SUPT20H: variants seen among roughly 807,000 people sequenced by gnomAD.
SUPT20H encodes SPT20 homolog, SAGA complex component.
Under a neutral mutation model 122.8 loss-of-function variants are expected in SUPT20H, and 82 were observed. The observed-to-expected ratio is 0.67, with a 90% confidence interval of 0.56 to 0.80. The LOEUF is 0.80. Ranked by LOEUF, SUPT20H falls within the 30% of genes least tolerant of loss-of-function variation. SUPT20H has a pLI of 0.00. For missense variants in SUPT20H, 831 were observed against 921.6 expected, an observed-to-expected ratio of 0.90 and a Z score of 1.27; for synonymous variants, 291 against 313.0, an observed-to-expected ratio of 0.93 and a Z score of 0.74.
chr13:37,012,470 T>C (rs372247167), intron 23 of SUPT20H, 173 bp from the exon 24 acceptor site: 20 of 489,034 alleles, frequency 4.1e-5, no homozygotes, highest in East Asian at 2.8e-4. Flanking sequence ...AATAAATTTA[T>C]GGTATTTGAA....
chr13:37,009,428 T>C lies in SUPT20H; in HGVS notation c.*244A>G. ...ATGTTTCTATTATTTCTTAGGTCACTTCCATATATATTATGTATAGTGAAA... is the reference window on the plus strand; with the variant it reads ...ATGTTTCTATTATTTCTTAGGTCACCTCCATATATATTATGTATAGTGAAA... On this transcript the variant is annotated 3_prime_UTR_variant, in exon 26 of 26. Coordinates refer to ENST00000350612, the MANE Select transcript of SUPT20H (RefSeq NM_001014286.3). The C allele has an allele frequency of 1.3e-6, 1 of 741,782 alleles. No homozygotes were observed. Among genetic ancestry groups the C allele is most frequent in the South Asian group, 1.9e-5 (1 of 53,010 alleles). 46.0% of individuals were successfully genotyped at this position (741,782 alleles called of 1,614,324 possible).
chr13:37,050,809 A>G (rs1302770391), intron 2 of SUPT20H, among the ~76,000 whole-genome samples: 1 of 152,202 alleles, frequency 6.6e-6, no homozygotes, highest in African/African-American at 2.4e-5. Context: ...GGAGGAGTAG[A>G]TAGGCAAGAA....
At chr13:37,021,903 C>G in intron 20 of SUPT20H, 108 bp downstream of exon 20, 4 of 1,304,300 alleles carry the variant, frequency 3.1e-6, no homozygotes, top group Non-Finnish European at 4.2e-6. Context: ...TATTCCTTTT[C>G]AGTCTGAGTA....
At position 37,031,758 on chromosome 13, in the gene SUPT20H, T is replaced by C; in HGVS notation, c.845A>G (p.Lys282Arg). Residue 282 changes from lysine (K) to arginine (R), a missense_variant, in exon 11 of 26, where the codon AAA (lysine) becomes AGA (arginine). Lys to Arg is a conservative substitution (Grantham distance 26). Coordinates refer to ENST00000350612, the MANE Select transcript of SUPT20H (RefSeq NM_001014286.3). ...ERKAGQHYDL[K>R]ISKAGNCVDM... Reference sequence around the variant, plus strand: ...ACTTACATTTCCTGCCTTAGAAATTTTGAGGTCATAATGCTGACCTGCTTT... The same window carrying C: ...ACTTACATTTCCTGCCTTAGAAATTCTGAGGTCATAATGCTGACCTGCTTT... 2.5e-6 allele frequency: 4 copies of C among 1,593,800 alleles called. No individual in the cohort carries two copies. The highest frequency in any genetic ancestry group is 3.4e-6 in the Non-Finnish European group (4 of 1,174,266).
chr13:37,053,967 C>T (rs1347156421), intron 1 of SUPT20H, among the ~76,000 whole-genome samples: 1 of 152,102 alleles, frequency 6.6e-6, no homozygotes, highest in Non-Finnish European at 1.5e-5. Context: ...ATACAAACTA[C>T]CATCAGAGAA....
Position 37,009,339 on chromosome 13 carries a change from ATT to A in SUPT20H, c.*331_*332del. On this transcript the variant is annotated 3_prime_UTR_variant, in exon 26 of 26. Coordinates refer to ENST00000350612, the MANE Select transcript of SUPT20H (RefSeq NM_001014286.3). Reference sequence around the variant, plus strand: ...TTCAAAACAGATTTGTAAAAATTGTATTTGTTAACACTGTGCACAAACGTTTT... The same window carrying A: ...TTCAAAACAGATTTGTAAAAATTGTATGTTAACACTGTGCACAAACGTTTT... The A allele has an allele frequency of 8.6e-7, 1 of 1,158,376 alleles. No individual in the cohort carries two copies. Among genetic ancestry groups the A allele is most frequent in the Middle Eastern group, 2.5e-4 (1 of 3,924 alleles). 71.8% of individuals were successfully genotyped at this position (1,158,376 alleles called of 1,614,324 possible).
chr13:37,040,242 G>T, intron 9 of SUPT20H, 163 bp downstream of exon 9: 1 of 626,544 alleles, frequency 1.6e-6, no homozygotes, highest in South Asian at 2.6e-5. Flanking sequence ...CACATATAAA[G>T]AGACCCTTAA....
At chr13:37,025,047 T>C (rs1176449500) in intron 17 of SUPT20H, 3 of 350,072 alleles carry the variant, frequency 8.6e-6, no homozygotes, top group Non-Finnish European at 1.6e-5. Context: ...GTTCAAGAGA[T>C]TCTCCTGTCT....
At chr13:37,053,702 A>G (rs1234677270) in intron 1 of SUPT20H, among the ~76,000 whole-genome samples, 1 of 152,130 alleles carries the variant, frequency 6.6e-6, no homozygotes, top group Non-Finnish European at 1.5e-5. Flanking sequence ...AAAAAAAAAA[A>G]AGATACATTA....
chr13:37,051,155 G>A (rs1017260135), intron 2 of SUPT20H, among the ~76,000 whole-genome samples: 9 of 152,088 alleles, frequency 5.9e-5, no homozygotes, highest in South Asian at 4.1e-4. Context: ...TTTAAAATAC[G>A]AGAAATCTAT....
At chr13:37,050,511 T>C (rs761493820) in intron 2 of SUPT20H, among the ~76,000 whole-genome samples, 2 of 152,174 alleles carry the variant, frequency 1.3e-5, no homozygotes, top group African/African-American at 2.4e-5. Flanking sequence ...AAGGTTCTTT[T>C]AAATTTTGCC....
At chr13:37,046,391 G>A (rs996243896) in intron 5 of SUPT20H, among the ~76,000 whole-genome samples, 7 of 152,148 alleles carry the variant, frequency 4.6e-5, no homozygotes, top group African/African-American at 1.7e-4. Context: ...CTACCACAGA[G>A]TTGATCCCAT....
chr13:37,026,813 C>T lies in SUPT20H; in HGVS notation c.1155G>A (p.Ser385=), dbSNP rs774135192. The change falls in exon 15 of 26, where the codon TCG becomes TCA. Residue 385 remains serine, a synonymous_variant. Coordinates refer to ENST00000350612, the MANE Select transcript of SUPT20H (RefSeq NM_001014286.3). ...ACCAATTTGAATGATCATCTGTGGACGAGCTGAAATATAAAATGTAAAAAA... is the reference window on the plus strand; with the variant it reads ...ACCAATTTGAATGATCATCTGTGGATGAGCTGAAATATAAAATGTAAAAAA... ...ESDSQMSPSH[S]STDDHSNWFI... 19 of 1,428,992 alleles carry T rather than the reference C, an allele frequency of 1.3e-5. No homozygotes were observed. Among genetic ancestry groups the T allele is most frequent in the South Asian group, 3.0e-5 (2 of 67,688 alleles). 88.5% of individuals were successfully genotyped at this position (1,428,992 alleles called of 1,614,324 possible). A position where few individuals can be genotyped will look rare whatever the true frequency, so the allele number is the denominator to read the frequency against.
intron 3 of SUPT20H, among the ~76,000 whole-genome samples, 187 bp from the exon 4 acceptor site, chr13:37,048,123 C>T (rs991757002): frequency 1.3e-5 from 2 of 152,102 alleles, no homozygotes; most frequent in African/African-American, 4.8e-5. Flanking sequence ...TGAACTGCAC[C>T]ACGATTTAGC....
At chr13:37,055,866 C>T (rs2068851718) in intron 1 of SUPT20H, among the ~76,000 whole-genome samples, 1 of 152,188 alleles carries the variant, frequency 6.6e-6, no homozygotes, top group Non-Finnish European at 1.5e-5. Flanking sequence ...GCAATCTACT[C>T]ATCTGACAAA....
chr13:37,026,433 A>C (rs946030051), intron 15 of SUPT20H, among the ~76,000 whole-genome samples, 197 bp from the exon 16 acceptor site: 1 of 152,122 alleles, frequency 6.6e-6, no homozygotes, highest in African/African-American at 2.4e-5. Flanking sequence ...ATGCATTATG[A>C]AACAATGTGA....
chr13:37,051,643 AG>A, intron 1 of SUPT20H, 60 bp from the exon 2 acceptor site: 2 of 521,724 alleles, frequency 3.8e-6, no homozygotes, highest in Non-Finnish European at 6.9e-6. Context: ...AGAAAAAAAA[AG>A]AGATTACATA....
intron 9 of SUPT20H, among the ~76,000 whole-genome samples, chr13:37,037,740 C>T (rs1452634424): frequency 6.6e-6 from 1 of 152,174 alleles, no homozygotes; most frequent in Non-Finnish European, 1.5e-5. Flanking sequence ...ACTCTATATA[C>T]CCAATTCCAA....
rs926047404 is a variant in SUPT20H at position 37,033,665 on chromosome 13, G to T, written c.568-77C>A. 4 of 1,459,202 alleles carry T rather than the reference G, an allele frequency of 2.7e-6. No individual in the cohort carries two copies. The African/African-American group carries it at 4.2e-5, about 15-fold the overall frequency. The allele number at this position is 1,459,202 out of a possible 1,614,324, so 90.4% of individuals were successfully genotyped here. On this transcript the variant is annotated intron_variant, in intron 9 of 25. Coordinates refer to ENST00000350612, the MANE Select transcript of SUPT20H (RefSeq NM_001014286.3). ...GTAATCATATATTGCACTTAATCTAGAAATATTCCCTGGAATTCTGCTAAG... is the reference window on the plus strand; with the variant it reads ...GTAATCATATATTGCACTTAATCTATAAATATTCCCTGGAATTCTGCTAAG...
Sources: gnomAD v4.1 joint callset for allele counts (sites outside exome capture counted in the v4.1 genomes callset) on GRCh38, gnomAD v4.1.1 for gene constraint, MANE v1.5 for transcripts, NCBI Gene and HGNC (gene_info 2026-07-23, HGNC 2026-07-21) for gene names.